ABTB2: variants seen among roughly 807,000 people sequenced by gnomAD.
ABTB2 encodes the protein ankyrin repeat and BTB/POZ domain-containing protein 2.
Under a neutral mutation model 104.1 loss-of-function variants are expected in ABTB2, and 56 were observed. The observed-to-expected ratio is 0.54, with a 90% confidence interval of 0.43 to 0.67. The LOEUF (loss-of-function observed/expected upper bound fraction) is 0.67, where lower values mean the gene tolerates loss of function less well. Ranked by LOEUF, ABTB2 falls within the 30% of genes least tolerant of loss-of-function variation. The pLI, the probability that ABTB2 is intolerant of heterozygous loss-of-function variation, is 0.00. For missense variants in ABTB2, 1,279 were observed against 1,407.7 expected (o/e 0.91, Z 1.46); for synonymous variants, 606 against 608.2 (o/e 1.00, Z 0.05).
intron 1 of ABTB2, among the ~76,000 whole-genome samples, chr11:34,279,440 C>G (rs999221654): frequency 1.3e-5 from 2 of 152,058 alleles, no homozygotes; most frequent in African/African-American, 2.4e-5. Context: ...CTATAAAGAG[C>G]CTACTATTTT....
chr11:34,295,038 G>A (rs992547444), intron 1 of ABTB2, among the ~76,000 whole-genome samples: 1 of 152,086 alleles, frequency 6.6e-6, no homozygotes, highest in Admixed American at 6.5e-5. Flanking sequence ...TTAAACATTA[G>A]CCAGGCATGG....
chr11:34,168,370 A>C (rs985697140), intron 5 of ABTB2, among the ~76,000 whole-genome samples: 7 of 152,238 alleles, frequency 4.6e-5, no homozygotes. Flanking sequence ...GGGTTGTTGT[A>C]GAGTGTGGAT....
At chr11:34,321,520 G>A (rs1034802841) in intron 1 of ABTB2, among the ~76,000 whole-genome samples, 2 of 152,168 alleles carry the variant, frequency 1.3e-5, no homozygotes, top group East Asian at 1.9e-4. Context: ...GGATGCACCC[G>A]GATGCAAAGC....
intron 3 of ABTB2, among the ~76,000 whole-genome samples, chr11:34,183,008 A>C (rs1457270638): frequency 1.3e-5 from 2 of 152,092 alleles, no homozygotes; most frequent in Non-Finnish European, 2.9e-5. Flanking sequence ...TTCCACAGCC[A>C]CTCAGATTCT....
intron 3 of ABTB2, among the ~76,000 whole-genome samples, chr11:34,194,600 G>A (rs1304294095): frequency 2.0e-5 from 3 of 152,186 alleles, no homozygotes; most frequent in Admixed American, 1.3e-4. Context: ...AATGCTGTAA[G>A]CTCAGCGCTC....
intron 3 of ABTB2, among the ~76,000 whole-genome samples, chr11:34,186,162 C>T (rs940247925): frequency 2.6e-5 from 4 of 152,244 alleles, no homozygotes; most frequent in South Asian, 2.1e-4. Flanking sequence ...GCCCTGAACT[C>T]GGCCGGGAAC....
intron 1 of ABTB2, among the ~76,000 whole-genome samples, chr11:34,258,867 C>T (rs761819993): frequency 2.6e-5 from 4 of 152,128 alleles, no homozygotes; most frequent in African/African-American, 4.8e-5. Flanking sequence ...TCCCAAAGTG[C>T]TGGGATTAAA....
chr11:34,174,097 G>A (rs986526765), intron 3 of ABTB2, among the ~76,000 whole-genome samples: 1 of 152,140 alleles, frequency 6.6e-6, no homozygotes, highest in African/African-American at 2.4e-5. Flanking sequence ...CACTTTGGGC[G>A]GCCAAGGTGG....
intron 1 of ABTB2, among the ~76,000 whole-genome samples, chr11:34,317,220 T>A (rs1028707123): frequency 6.6e-6 from 1 of 152,244 alleles, no homozygotes; most frequent in African/African-American, 2.4e-5. Context: ...ATTCTAGATA[T>A]GCCTGATGAG....
intron 1 of ABTB2, among the ~76,000 whole-genome samples, chr11:34,244,016 C>G (rs1024828360): frequency 6.6e-6 from 1 of 152,210 alleles, no homozygotes; most frequent in East Asian, 1.9e-4. Context: ...AACAGCCCCC[C>G]GCTGAAATTC....
rs1855185993 is a variant in ABTB2, at chr11:34,335,730, T to C, written c.883+20971A>G. ...CAGGCAAAGTTTTATAAAGCAGGCT[T>C]TTCTTCTGTGAAGCAGTCCCATTGA... On this transcript the variant is annotated intron_variant, in intron 1 of 16. Transcript: ENST00000435224. 2.1e-6 allele frequency: 3 copies of C among 1,402,274 alleles called. No homozygotes were observed. In the Admixed American group the frequency reaches 5.0e-5, roughly 24 times the overall value. The allele number at this position is 1,402,274 out of a possible 1,614,324, so 86.9% of individuals were successfully genotyped here.
Position 34,173,183 on chromosome 11 carries a change from C to A in ABTB2, c.1369G>T (p.Gly457Cys), listed in dbSNP as rs1231169494. The A allele has an allele frequency of 1.2e-6, 2 of 1,613,626 alleles. No individual in the cohort carries two copies. The highest frequency in any genetic ancestry group is 1.7e-6 in the Non-Finnish European group (2 of 1,179,928). ...IRQAARLLLPGLDCEPRQLKP... is the reference protein window; with the variant it reads ...IRQAARLLLPCLDCEPRQLKP... The stretch of plus-strand genomic sequence containing the variant: ...AGCTGCCGAGGTTCACAGTCCAGAC[C>A]AGGCAGCAGCAGCCGGGCTGCCTGC... The change falls in exon 4 of 17, where the codon GGT becomes TGT. Residue 457 changes from glycine to cysteine, a missense_variant. Coordinates refer to ENST00000435224, the MANE Select transcript of ABTB2 (RefSeq NM_145804.3).
At chr11:34,330,153 G>A in intron 1 of ABTB2, among the ~76,000 whole-genome samples, 1 of 152,148 alleles carries the variant, frequency 6.6e-6, no homozygotes, top group South Asian at 2.1e-4. Context: ...TTGGCCATGG[G>A]ACCTCAAGTA....
At chr11:34,342,462 G>A (rs1223570876) in intron 1 of ABTB2, among the ~76,000 whole-genome samples, 1 of 152,212 alleles carries the variant, frequency 6.6e-6, no homozygotes, top group Non-Finnish European at 1.5e-5. Context: ...CCACTCCTGA[G>A]GACAGGAGGC....
At position 34,357,193 on chromosome 11, in the gene ABTB2, G is replaced by C; in HGVS notation, c.391C>G (p.Leu131Val). 2 of 1,508,250 alleles carry C rather than the reference G, an allele frequency of 1.3e-6. No individual in the cohort carries two copies. The highest frequency in any genetic ancestry group is 1.8e-6 in the Non-Finnish European group (2 of 1,136,482). The allele number at this position is 1,508,250 out of a possible 1,614,324, so 93.4% of individuals were successfully genotyped here. A position where few individuals can be genotyped will look rare whatever the true frequency, so the allele number is the denominator to read the frequency against. The change falls in exon 1 of 17, where the codon CTG (leucine) becomes GTG (valine). Residue 131 changes from leucine (L) to valine (V), a missense_variant. By Grantham distance (32) the Leu-to-Val change is conservative. Transcript: ENST00000435224. ...SAEAVRRLAGLLRRALIRVAR... is the reference protein window; with the variant it reads ...SAEAVRRLAGVLRRALIRVAR... ...ACGCGGATCAGTGCCCTGCGGAGCA[G>C]CCCGGCCAGGCGCCTCACCGCCTCG...
intron 1 of ABTB2, among the ~76,000 whole-genome samples, chr11:34,323,207 G>A (rs1002073058): frequency 2.0e-5 from 3 of 152,058 alleles, no homozygotes; most frequent in Admixed American, 6.6e-5. Context: ...GCGCCTGGCC[G>A]CAAATGCTTA....
intron 1 of ABTB2, among the ~76,000 whole-genome samples, chr11:34,242,836 C>T (rs550702587): frequency 2.1e-4 from 32 of 152,244 alleles, no homozygotes; most frequent in Non-Finnish European, 3.7e-4. Flanking sequence ...AGGCACAGTC[C>T]TTGTCTTCAT....
chr11:34,197,140 T>A (rs1478175978), intron 3 of ABTB2, among the ~76,000 whole-genome samples, 185 bp downstream of exon 3: 1 of 149,534 alleles, frequency 6.7e-6, no homozygotes, highest in Non-Finnish European at 1.5e-5. Flanking sequence ...GAAAAAAAAA[T>A]CCCACTGCAC....
intron 5 of ABTB2, 43 bp downstream of exon 5, chr11:34,170,863 C>A: frequency 1.3e-6 from 2 of 1,595,006 alleles, no homozygotes; most frequent in East Asian, 2.2e-5. Context: ...GAATTCCCAA[C>A]TCTGGTCCTC....
Sources: allele counts gnomAD v4.1 joint callset (sites outside exome capture counted in the v4.1 genomes callset), GRCh38; gene constraint gnomAD v4.1.1; transcripts MANE v1.5; gene names NCBI Gene and HGNC (gene_info 2026-07-23, HGNC 2026-07-21).